The following FRMPD4 variants were observed in gnomAD, a reference collection of about 807,000 sequenced individuals.
FRMPD4 encodes the protein FERM and PDZ domain containing 4, also known as FERM and PDZ domain-containing protein 4.
FRMPD4 carries 22 observed loss-of-function variants against 94.1 expected under a neutral mutation model. The observed-to-expected ratio is 0.23, with a 90% CI of 0.17 to 0.33. FRMPD4 has a LOEUF of 0.33. FRMPD4 is among the 10% of genes least tolerant of loss of function. The pLI is 1.00. For synonymous variants in FRMPD4, 631 were observed against 548.6 expected, an observed-to-expected ratio of 1.15 and a Z score of -2.10; for missense variants, 1,111 against 1,339.9, an observed-to-expected ratio of 0.83 and a Z score of 2.67.
chrX:12,511,351 A>G (rs1158543642), intron 2 of FRMPD4, among the ~76,000 whole-genome samples: 2 of 112,255 alleles, frequency 1.8e-5, no homozygotes, highest in Non-Finnish European at 3.8e-5. Flanking sequence ...TGTACTAAAC[A>G]TGCTCAATGA....
In FRMPD4 at chrX:12,413,999, G is replaced by A. The variant is rs139208364; in HGVS notation, c.42-84681G>A. On this transcript the variant is annotated intron_variant, in intron 1 of 16. Transcript: ENST00000675598. ...CATAGGGCTATGGATTTACTGTTAT[G>A]AGATGGTGGCCTTCCCTGTTAAACC... 5.5e-3 allele frequency among the ~76,000 whole-genome samples: 614 copies of A among 112,648 alleles called. 5 individuals carry two copies. Among genetic ancestry groups the A allele is most frequent in the African/African-American group, 0.018 (569 of 31,062 alleles).
chrX:11,878,384 T>G (rs376894597), intron 3 of FRMPD4, among the ~76,000 whole-genome samples: 1 of 112,295 alleles, frequency 8.9e-6, no homozygotes, highest in East Asian at 2.8e-4. Flanking sequence ...TAATTCACAG[T>G]AAACTTTTGG....
Position 12,007,421 on chromosome X carries a change from T to C in FRMPD4, c.95+129403T>C, listed in dbSNP as rs747840732. ...GTCATTCTTCTTGCAGTAACAGATA[T>C]CCAGAATAATAGCATCTCTTTTTTC... On this transcript the variant is annotated intron_variant, in intron 3 of 18. Transcript: ENST00000640291. 4.5e-5 allele frequency among the ~76,000 whole-genome samples: 5 copies of C among 112,019 alleles called. No homozygotes were observed. The South Asian group carries it at 1.9e-3, about 43-fold the overall frequency.
chrX:12,042,068 A>C (rs1462414596), intron 3 of FRMPD4, among the ~76,000 whole-genome samples: 1 of 111,388 alleles, frequency 9.0e-6, no homozygotes, highest in Non-Finnish European at 1.9e-5. Context: ...GATATTCCTT[A>C]TTTGTTGAGT....
chrX:12,420,411 G>A lies in FRMPD4; in HGVS notation c.42-78269G>A, dbSNP rs150776029. ...GTGCCACCAGGGTCATCCTTCCAAGGCACAGAGCTCATCAATTCACTATTT... is the reference window on the plus strand; with the variant it reads ...GTGCCACCAGGGTCATCCTTCCAAGACACAGAGCTCATCAATTCACTATTT... On this transcript the variant is annotated intron_variant, in intron 1 of 16. Transcript: ENST00000675598. Among the ~76,000 whole-genome samples, 440 of 111,666 alleles carry A rather than the reference G, an allele frequency of 3.9e-3. 1 individual carries two copies. The highest frequency in any genetic ancestry group is 0.014 in the African/African-American group (422 of 30,698).
At chrX:12,274,930 A>G (rs2054412111) in intron 1 of FRMPD4, among the ~76,000 whole-genome samples, 1 of 111,754 alleles carries the variant, frequency 8.9e-6, no homozygotes, top group South Asian at 3.8e-4. Flanking sequence ...AATGGCGTGA[A>G]CCCGGGAGGC....
In FRMPD4 at chrX:12,498,725, G is replaced by C. The variant is rs2057882114; in HGVS notation, c.87G>C (p.Trp29Cys). Residue 29 changes from tryptophan to cysteine, a missense_variant, in exon 2 of 17, where the codon TGG becomes TGC. Coordinates refer to ENST00000675598, the MANE Select transcript of FRMPD4 (RefSeq NM_001368397.1). ...SSGWPPPSGT[W>C]GLSQVPPYGW... Reference sequence around the variant, plus strand: ...GCTGGCCGCCTCCCTCGGGAACCTGGGGCTTGAGCCAGGTGCCGCCCTATG... The same window carrying C: ...GCTGGCCGCCTCCCTCGGGAACCTGCGGCTTGAGCCAGGTGCCGCCCTATG... 5.0e-6 allele frequency: 6 copies of C among 1,200,439 alleles called. No homozygotes were observed. Among genetic ancestry groups the C allele is most frequent in the Non-Finnish European group, 6.7e-6 (6 of 889,476 alleles).
chrX:12,407,783 G>A (rs1320899606), intron 1 of FRMPD4, among the ~76,000 whole-genome samples: 1 of 111,683 alleles, frequency 9.0e-6, no homozygotes, highest in Non-Finnish European at 1.9e-5. Context: ...GTACATGAGT[G>A]AGTGTGGCTG....
intron 3 of FRMPD4, among the ~76,000 whole-genome samples, chrX:11,920,154 A>T (rs1187965035): frequency 8.9e-6 from 1 of 111,775 alleles, no homozygotes; most frequent in African/African-American, 3.3e-5. Context: ...TGGGCCGTTG[A>T]GATTCTGTAT....
intron 3 of FRMPD4, among the ~76,000 whole-genome samples, chrX:11,968,096 A>T: frequency 9.0e-6 from 1 of 110,818 alleles, no homozygotes; most frequent in Non-Finnish European, 1.9e-5. Context: ...TTTTCCCAGT[A>T]GCCCCAGTCT....
chrX:12,630,304 T>C (rs1356279703), intron 4 of FRMPD4, among the ~76,000 whole-genome samples: 1 of 112,752 alleles, frequency 8.9e-6, no homozygotes, highest in Non-Finnish European at 1.9e-5. Flanking sequence ...TCTGCCATTG[T>C]AGTGCAAAAG....
At chrX:12,085,371 A>AT (rs965200529) in intron 3 of FRMPD4, among the ~76,000 whole-genome samples, 7 of 111,384 alleles carry the variant, frequency 6.3e-5, no homozygotes, top group African/African-American at 2.0e-4. Context: ...CCCTTAATGA[A>AT]TTTTTTTAAA....
At chrX:12,431,696 T>C (rs902165427) in intron 1 of FRMPD4, among the ~76,000 whole-genome samples, 4 of 112,147 alleles carry the variant, frequency 3.6e-5, no homozygotes, top group East Asian at 5.6e-4. Context: ...AGAATTACTA[T>C]ATAAGATTAT....
At chrX:12,679,787 A>C (rs1467454701) in intron 5 of FRMPD4, among the ~76,000 whole-genome samples, 2 of 112,086 alleles carry the variant, frequency 1.8e-5, no homozygotes, top group Non-Finnish European at 3.8e-5. Context: ...GGTTCCCAGC[A>C]GGAGTAAGCT....
chrX:12,360,035 T>G (rs2055960111), intron 1 of FRMPD4, among the ~76,000 whole-genome samples: 1 of 112,146 alleles, frequency 8.9e-6, no homozygotes, highest in Admixed American at 9.4e-5. Context: ...TAATGCTACT[T>G]TTCTATTTTT....
chrX:12,674,220 G>A (rs899116795), intron 4 of FRMPD4, among the ~76,000 whole-genome samples: 2 of 112,120 alleles, frequency 1.8e-5, no homozygotes, highest in African/African-American at 6.5e-5. Context: ...GGCCTATTGT[G>A]AGTAATATTT....
intron 1 of FRMPD4, among the ~76,000 whole-genome samples, chrX:12,170,011 A>G (rs947139752): frequency 2.2e-4 from 25 of 111,928 alleles, no homozygotes; most frequent in Middle Eastern, 4.6e-3. Flanking sequence ...TAAATCTGAA[A>G]TCAGAACCAT....
At chrX:12,340,774 T>G (rs6530506) in intron 1 of FRMPD4, among the ~76,000 whole-genome samples, 20,108 of 111,671 alleles carry the variant, frequency 0.18, 4,446 homozygotes, top group African/African-American at 0.62. Context: ...CAAACTTTCC[T>G]TACCTTTGTT....
At chrX:12,006,615 C>T (rs1426264531) in intron 3 of FRMPD4, among the ~76,000 whole-genome samples, 2 of 111,775 alleles carry the variant, frequency 1.8e-5, no homozygotes, top group African/African-American at 6.5e-5. Flanking sequence ...CCAGCCACTC[C>T]CTAGGAGGGA....
Sources: allele counts gnomAD v4.1 joint callset (sites outside exome capture counted in the v4.1 genomes callset), GRCh38; gene constraint gnomAD v4.1.1; transcripts MANE v1.5; gene names NCBI Gene and HGNC (gene_info 2026-07-23, HGNC 2026-07-21).